Variants in MS4A7 observed in about 807,000 individuals in gnomAD.
The protein encoded by MS4A7 is membrane spanning 4-domains A7.
MS4A7 carries 21 observed loss-of-function variants against 23.5 expected under a neutral mutation model. That is an observed-to-expected ratio of 0.89 (90% CI 0.63 to 1.29). MS4A7 has a LOEUF of 1.29. Among genes scored for constraint, MS4A7 ranks in the 50% most tolerant of loss-of-function variants. MS4A7 has a pLI of 0.00. For missense variants in MS4A7, 263 were observed against 274.2 expected, an observed-to-expected ratio of 0.96 and a Z score of 0.29; for synonymous variants, 111 against 107.4, an observed-to-expected ratio of 1.03 and a Z score of -0.21.
At chr11:60,389,743 G>A (rs2085531513) in intron 5 of MS4A7, 147 bp downstream of exon 5, 1 of 708,532 alleles carries the variant, frequency 1.4e-6, no homozygotes, top group Admixed American at 2.1e-5. Context: ...GTTGGAAGAG[G>A]CCTGTCTGCT....
intron 5 of MS4A7, among the ~76,000 whole-genome samples, chr11:60,390,655 G>T (rs891050551): frequency 1.3e-5 from 2 of 152,042 alleles, no homozygotes; most frequent in African/African-American, 2.4e-5. Context: ...TAAAGCAATG[G>T]GGGTGGGAGA....
intron 6 of MS4A7, 107 bp downstream of exon 6, chr11:60,392,893 G>A (rs559084293): frequency 1.7e-5 from 13 of 757,290 alleles, no homozygotes; most frequent in African/African-American, 8.9e-5. Flanking sequence ...TGTTCATGAG[G>A]TGCATGTGGA....
intron 3 of MS4A7, 142 bp downstream of exon 3, chr11:60,385,364 C>T: frequency 1.2e-6 from 1 of 851,374 alleles, no homozygotes. Context: ...TGCCCCACGT[C>T]ACATTTCCCC....
At chr11:60,385,017 C>A in intron 2 of MS4A7, 71 bp from the exon 3 acceptor site, 1 of 1,387,044 alleles carries the variant, frequency 7.2e-7, no homozygotes, top group Non-Finnish European at 1.0e-6. Flanking sequence ...TTATACTTTA[C>A]CGTGTGCATT....
chr11:60,391,666 T>C (rs1198766463), intron 5 of MS4A7, among the ~76,000 whole-genome samples: 2 of 152,032 alleles, frequency 1.3e-5, no homozygotes, highest in Non-Finnish European at 2.9e-5. Context: ...CAACTGTAAT[T>C]CCAGCACATT....
intron 2 of MS4A7, among the ~76,000 whole-genome samples, chr11:60,383,992 C>T (rs934903153): frequency 7.2e-5 from 11 of 152,088 alleles, no homozygotes; most frequent in South Asian, 2.1e-4. Context: ...CATTTTTCCC[C>T]GTTCATATGA....
intron 1 of MS4A7, among the ~76,000 whole-genome samples, chr11:60,381,759 T>C (rs1426146094): frequency 6.6e-6 from 1 of 152,142 alleles, no homozygotes; most frequent in Non-Finnish European, 1.5e-5. Context: ...CACAAACCTA[T>C]GAAGTGGTGA....
intron 1 of MS4A7, 74 bp from the exon 2 acceptor site, chr11:60,383,055 A>T (rs1476797457): frequency 1.3e-6 from 2 of 1,498,266 alleles, no homozygotes; most frequent in Non-Finnish European, 9.1e-7. Context: ...AGTTCCTACA[A>T]AGTATGGTCC....
At chr11:60,382,719 A>G (rs2085443697) in intron 1 of MS4A7, among the ~76,000 whole-genome samples, 1 of 152,184 alleles carries the variant, frequency 6.6e-6, no homozygotes, top group Admixed American at 6.5e-5. Context: ...GGTGTAGCAT[A>G]AAAGTGTAAT....
intron 1 of MS4A7, among the ~76,000 whole-genome samples, chr11:60,380,609 A>G (rs2085418505): frequency 6.6e-6 from 1 of 152,236 alleles, no homozygotes; most frequent in Non-Finnish European, 1.5e-5. Context: ...TTCGAAAAAT[A>G]AAGAAAGGAA....
intron 5 of MS4A7, 28 bp from the exon 6 acceptor site, chr11:60,392,657 T>C (rs1315437547): frequency 6.3e-7 from 1 of 1,578,978 alleles, no homozygotes; most frequent in South Asian, 1.1e-5. Flanking sequence ...TTGTCTTGGG[T>C]ACCAGCCATT....
At chr11:60,389,213 T>C in intron 4 of MS4A7, 177 bp from the exon 5 acceptor site, 1 of 592,410 alleles carries the variant, frequency 1.7e-6, no homozygotes, top group African/African-American at 1.9e-5. Flanking sequence ...TTATATCACA[T>C]GATTAACTAA....
rs113368488 is a variant in MS4A7 at position 60,389,772 on chromosome 11, A to T, written c.546+176A>T. 5.8e-3 allele frequency: 3,603 copies of T among 621,592 alleles called. 71 individuals carry two copies. Among genetic ancestry groups the T allele is most frequent in the East Asian group, 0.038 (1,336 of 35,246 alleles). 38.5% of individuals were successfully genotyped at this position (621,592 alleles called of 1,614,324 possible). ...GTCTGCTGACTGCATGGTGTGGGGGATGTACTATAGAAAGTCAAAAGAGGA... is the reference window on the plus strand; with the variant it reads ...GTCTGCTGACTGCATGGTGTGGGGGTTGTACTATAGAAAGTCAAAAGAGGA... On this transcript the variant is annotated intron_variant, in intron 5 of 6. Coordinates refer to ENST00000300184, the MANE Select transcript of MS4A7 (RefSeq NM_021201.5).
At chr11:60,381,943 A>G (rs1444960261) in intron 1 of MS4A7, among the ~76,000 whole-genome samples, 1 of 152,120 alleles carries the variant, frequency 6.6e-6, no homozygotes, top group Admixed American at 6.5e-5. Context: ...TGTCATTTCC[A>G]ATTTTTACAT....
At chr11:60,383,065 C>G in intron 1 of MS4A7, 64 bp from the exon 2 acceptor site, 2 of 1,543,260 alleles carry the variant, frequency 1.3e-6, no homozygotes, top group African/African-American at 1.4e-5. Flanking sequence ...AAGTATGGTC[C>G]CTGGGAAGTT....
At chr11:60,388,977 T>C (rs1366132746) in intron 4 of MS4A7, 2 of 160,592 alleles carry the variant, frequency 1.2e-5, no homozygotes, top group African/African-American at 2.4e-5. Context: ...TTTATGTAAA[T>C]CAAAGTCATG....
chr11:60,394,012 A>G lies in MS4A7; in HGVS notation c.*151A>G, dbSNP rs1484826172. 2.2e-6 allele frequency: 1 copy of G among 458,672 alleles called. No homozygotes were observed. The highest frequency in any genetic ancestry group is 4.3e-5 in the Admixed American group (1 of 23,114). The allele number at this position is 458,672 out of a possible 1,614,324, so 28.4% of individuals were successfully genotyped here. A position where few individuals can be genotyped will look rare whatever the true frequency, so the allele number is the denominator to read the frequency against. On this transcript the variant is annotated 3_prime_UTR_variant, in exon 7 of 7. Transcript: ENST00000300184. ...TTGTATTTGTTTACTATGAGTCGTT[A>G]TTTAATTTCTCTTGAAAATAATTTC...
chr11:60,389,444 C>T lies in MS4A7; in HGVS notation c.394C>T (p.Leu132Phe), dbSNP rs983185028. ...AVSSVTAGAG[L>F]FLLADSMVAL... ...GAGTTCTGTTACTGCAGGAGCAGGCCTCTTCCTCCTTGCTGACAGCATGGT... is the reference window on the plus strand; with the variant it reads ...GAGTTCTGTTACTGCAGGAGCAGGCTTCTTCCTCCTTGCTGACAGCATGGT... The change falls in exon 5 of 7, where the codon CTC becomes TTC. Residue 132 changes from leucine (L) to phenylalanine (F), a missense_variant. Leu to Phe is a conservative substitution (Grantham distance 22). Transcript: ENST00000300184. The T allele has an allele frequency of 1.9e-6, 3 of 1,614,074 alleles. No homozygotes were observed. The highest frequency in any genetic ancestry group is 1.1e-5 in the South Asian group (1 of 91,066).
intron 4 of MS4A7, 74 bp from the exon 5 acceptor site, chr11:60,389,316 T>A: frequency 8.0e-7 from 1 of 1,256,668 alleles, no homozygotes; most frequent in Non-Finnish European, 1.1e-6. Context: ...ACCATTGCAG[T>A]ACAATGGACA....
Sources: allele counts gnomAD v4.1 joint callset (sites outside exome capture counted in the v4.1 genomes callset), GRCh38; gene constraint gnomAD v4.1.1; transcripts MANE v1.5; gene names NCBI Gene and HGNC (gene_info 2026-07-23, HGNC 2026-07-21).